SMARCA2: variants seen among roughly 807,000 people sequenced by gnomAD.
The protein encoded by SMARCA2 is SWI/SNF related BAF chromatin remodeling complex subunit ATPase 2, also known as SWI/SNF-related matrix-associated actin-dependent regulator of chromatin subfamily A member 2.
A neutral mutation model predicts 199.8 loss-of-function variants in SMARCA2; 61 were observed. The ratio of observed to expected loss-of-function variants is 0.31; its 90% CI spans 0.25 to 0.38. SMARCA2 has a LOEUF of 0.38. Among genes scored for constraint, SMARCA2 ranks in the 10% least tolerant of loss-of-function variants. SMARCA2 has a pLI of 1.00. For missense variants in SMARCA2, 1,344 were observed against 2,012.2 expected, an observed-to-expected ratio of 0.67 and a Z score of 6.35; for synonymous variants, 935 against 732.0, an observed-to-expected ratio of 1.28 and a Z score of -4.48.
chr9:2,137,077 C>T (rs1026797836), intron 27 of SMARCA2, among the ~76,000 whole-genome samples: 2 of 152,164 alleles, frequency 1.3e-5, no homozygotes, highest in African/African-American at 4.8e-5. Flanking sequence ...CGTGTGGTTT[C>T]TACCAACCCT....
intron 1 of SMARCA2, 116 bp from the exon 2 acceptor site, chr9:2,028,871 C>A: frequency 2.4e-6 from 2 of 823,968 alleles, no homozygotes; most frequent in South Asian, 3.2e-5. Flanking sequence ...CTAGACAGGG[C>A]AGCTCTGTTT....
intron 27 of SMARCA2, among the ~76,000 whole-genome samples, chr9:2,155,096 A>G (rs1194157341): frequency 6.6e-6 from 1 of 152,196 alleles, no homozygotes; most frequent in Non-Finnish European, 1.5e-5. Context: ...GTAAGAACAA[A>G]GGTGTAAATA....
intron 30 of SMARCA2, 78 bp downstream of exon 30, chr9:2,181,754 G>C (rs1431382371): frequency 1.2e-6 from 1 of 810,658 alleles, no homozygotes; most frequent in East Asian, 2.5e-5. Context: ...GTTGTAGTTG[G>C]AGCTGACCGC....
At chr9:2,149,755 T>C (rs940089731) in intron 27 of SMARCA2, among the ~76,000 whole-genome samples, 7 of 151,596 alleles carry the variant, frequency 4.6e-5, no homozygotes, top group African/African-American at 1.7e-4. Context: ...TTTTTTGCGC[T>C]TTAGAGATTC....
chr9:2,150,030 G>A (rs574841951), intron 27 of SMARCA2, among the ~76,000 whole-genome samples: 2 of 151,566 alleles, frequency 1.3e-5, no homozygotes, highest in South Asian at 4.2e-4. Flanking sequence ...GCATCTATGT[G>A]TATTTATGTA....
chr9:2,181,648 G>A lies in SMARCA2; in HGVS notation c.4331G>A (p.Arg1444Lys), dbSNP rs768201532. The A allele has an allele frequency of 3.2e-6, 5 of 1,541,500 alleles. No homozygotes were observed. Among genetic ancestry groups the A allele is most frequent in the Non-Finnish European group, 4.5e-6 (5 of 1,114,752 alleles). ...KELPEYYELI[R>K]KPVDFKKIKE... is the part of the protein sequence containing the mutation. Reference sequence around the variant, plus strand: ...TTACCAGAATACTATGAATTAATTAGGAAGCCAGTGGATTTCAAAAAAATA... The same window carrying A: ...TTACCAGAATACTATGAATTAATTAAGAAGCCAGTGGATTTCAAAAAAATA... The change falls in exon 30 of 34, where the codon AGG (arginine) becomes AAG (lysine). Residue 1444 changes from arginine to lysine, a missense_variant. Arg to Lys is a conservative substitution (Grantham distance 26). This residue lies in a region of SMARCA2 where 151 missense variants were observed against 154.0 expected (regional missense o/e 0.98). Transcript: ENST00000349721.
intron 23 of SMARCA2, among the ~76,000 whole-genome samples, chr9:2,106,507 C>T (rs926170828): frequency 5.9e-5 from 9 of 152,130 alleles, no homozygotes; most frequent in African/African-American, 2.2e-4. Context: ...AAACAGCAGC[C>T]GTTCCTTTTA....
chr9:2,165,604 A>G (rs1422237593), intron 28 of SMARCA2, among the ~76,000 whole-genome samples: 1 of 152,200 alleles, frequency 6.6e-6, no homozygotes, highest in Non-Finnish European at 1.5e-5. Context: ...TGACTTGTTA[A>G]GCATGCTTTG....
chr9:2,132,126 C>T (rs1823988719), intron 27 of SMARCA2, among the ~76,000 whole-genome samples: 1 of 151,972 alleles, frequency 6.6e-6, no homozygotes, highest in African/African-American at 2.4e-5. Flanking sequence ...CAGGAAAAGG[C>T]AGACAAATCC....
intron 19 of SMARCA2, among the ~76,000 whole-genome samples, chr9:2,092,633 A>G (rs1243643896): frequency 6.6e-6 from 1 of 152,248 alleles, no homozygotes; most frequent in Non-Finnish European, 1.5e-5. Context: ...ATGCTGAGCC[A>G]GTATAATGAC....
intron 29 of SMARCA2, among the ~76,000 whole-genome samples, chr9:2,174,733 C>T (rs1239876684): frequency 1.3e-5 from 2 of 151,762 alleles, no homozygotes; most frequent in African/African-American, 2.4e-5. Context: ...CCACCCGAGG[C>T]AAGATGGTGG....
Position 2,028,132 on chromosome 9 carries a change from A to T in SMARCA2, c.-36-855A>T, listed in dbSNP as rs1232083632. Among the ~76,000 whole-genome samples the T allele has an allele frequency of 2.0e-5, 3 of 151,060 alleles. No individual in the cohort carries two copies. The Admixed American group carries it at 2.0e-4, about 10-fold the overall frequency. ...AGCTCTGATCCAGTAGTCATGGATG[A>T]CTTCTCTCAAGGATTCTTGACCAGA... is the stretch of plus-strand genomic sequence containing the variant. On this transcript the variant is annotated intron_variant, in intron 1 of 33. Transcript: ENST00000349721.
At chr9:2,184,025 C>G (rs1563838829) in intron 31 of SMARCA2, among the ~76,000 whole-genome samples, 1 of 152,164 alleles carries the variant, frequency 6.6e-6, no homozygotes, top group Non-Finnish European at 1.5e-5. Flanking sequence ...ACTAATTTGT[C>G]TTTCTCTAGC....
At chr9:2,187,857 T>G (rs977670867) in intron 32 of SMARCA2, among the ~76,000 whole-genome samples, 3 of 152,110 alleles carry the variant, frequency 2.0e-5, no homozygotes, top group African/African-American at 7.2e-5. Flanking sequence ...GGTGGCTGGA[T>G]CACTTGAAGT....
intron 29 of SMARCA2, chr9:2,181,125 T>C (rs549618145): frequency 6.5e-6 from 1 of 153,832 alleles, no homozygotes; most frequent in East Asian, 1.9e-4. Context: ...TGAGTTACTT[T>C]CTAAATACAA....
Position 2,191,421 on chromosome 9 carries a change from G to T in SMARCA2, c.4737+13G>T. ...GCAGGATGAACGTGTAAGTGTAGCC[G>T]ACTGGGACTGAAGGCGGAGACGCCC... On this transcript the variant is annotated intron_variant, in intron 33 of 33. Coordinates refer to ENST00000349721, the MANE Select transcript of SMARCA2 (RefSeq NM_003070.5). 6.2e-7 allele frequency: 1 copy of T among 1,613,628 alleles called. No homozygotes were observed. Among genetic ancestry groups the T allele is most frequent in the Non-Finnish European group, 8.5e-7 (1 of 1,179,666 alleles).
At chr9:2,070,381 T>G in intron 9 of SMARCA2, 37 bp from the exon 10 acceptor site, 1 of 1,588,084 alleles carries the variant, frequency 6.3e-7, no homozygotes, top group South Asian at 1.1e-5. Flanking sequence ...CCCCATCATC[T>G]TGGTTACTTA....
intron 1 of SMARCA2, among the ~76,000 whole-genome samples, chr9:2,015,723 AG>A (rs1476615385): frequency 1.3e-5 from 2 of 152,182 alleles, no homozygotes; most frequent in Non-Finnish European, 2.9e-5. Flanking sequence ...TACTACTTCA[AG>A]GGGGCAAAGG....
intron 23 of SMARCA2, among the ~76,000 whole-genome samples, chr9:2,108,878 C>T (rs539111760): frequency 3.6e-4 from 55 of 152,288 alleles, no homozygotes; most frequent in South Asian, 1.2e-3. Flanking sequence ...TTGTGTCGGA[C>T]CTCACCAGTT....
Sources: allele counts gnomAD v4.1 joint callset (sites outside exome capture counted in the v4.1 genomes callset), GRCh38; gene constraint gnomAD v4.1.1; regional missense constraint gnomAD v4.1.1; transcripts MANE v1.5; gene names NCBI Gene and HGNC (gene_info 2026-07-23, HGNC 2026-07-21).